The following WDR25 variants were observed in gnomAD, a reference collection of about 807,000 sequenced individuals.
The protein encoded by WDR25 is WD repeat domain 25, also known as WD repeat-containing protein 25.
WDR25 carries 35 observed loss-of-function variants against 47.7 expected under a neutral mutation model. That is an observed-to-expected ratio of 0.73 (90% CI 0.56 to 0.97). The LOEUF is 0.97. Ranked by LOEUF, WDR25 falls within the 50% of genes least tolerant of loss-of-function variation. The pLI, the probability that WDR25 is intolerant of heterozygous loss-of-function variation, is 0.00. For missense variants in WDR25, 634 were observed against 704.7 expected (o/e 0.90, Z 1.14); for synonymous variants, 248 against 278.9 (o/e 0.89, Z 1.10).
intron 2 of WDR25, among the ~76,000 whole-genome samples, chr14:100,390,005 G>A (rs187890500): frequency 1.3e-5 from 2 of 152,224 alleles, no homozygotes; most frequent in African/African-American, 2.4e-5. Flanking sequence ...TGGCCTTTCT[G>A]TTTTATTTTT....
In WDR25 at chr14:100,381,042, T is replaced by C. The variant is rs372522081; in HGVS notation, c.118T>C (p.Ser40Pro). 1.2e-5 allele frequency: 19 copies of C among 1,614,098 alleles called. No homozygotes were observed. Among genetic ancestry groups the C allele is most frequent in the Non-Finnish European group, 1.5e-5 (18 of 1,180,046 alleles). The change falls in exon 2 of 7, where the codon TCT becomes CCT. Residue 40 changes from serine (S) to proline (P), a missense_variant. Coordinates refer to ENST00000402312, the MANE Select transcript of WDR25 (RefSeq NM_001161476.3). ...TGCTACCGGCCAGCAGAAAGACACTTCTGGTGTGGCCAGACCACCTGGGCA... is the reference window on the plus strand; with the variant it reads ...TGCTACCGGCCAGCAGAAAGACACTCCTGGTGTGGCCAGACCACCTGGGCA... ...FNATGQQKDT[S>P]GVARPPGQDF...
chr14:100,440,353 G>A lies in WDR25; in HGVS notation c.823-27668G>A, dbSNP rs151326202. Reference sequence around the variant, plus strand: ...GGCAGCCACAGTCAGGGAGCCCTTCGGCCACGGCAGCGGGGTGGCGCCAGA... The same window carrying A: ...GGCAGCCACAGTCAGGGAGCCCTTCAGCCACGGCAGCGGGGTGGCGCCAGA... On this transcript the variant is annotated intron_variant, in intron 2 of 6. Coordinates refer to ENST00000402312, the MANE Select transcript of WDR25 (RefSeq NM_001161476.3). This position sits in a 1 kb window ranked among gnomAD's most constrained non-coding sequence, Gnocchi z 4.4. 9.1e-3 allele frequency among the ~76,000 whole-genome samples: 1,390 copies of A among 152,336 alleles called. 15 individuals carry two copies. Among genetic ancestry groups the A allele is most frequent in the South Asian group, 0.032 (154 of 4,828 alleles).
At chr14:100,451,157 G>T (rs548134173) in intron 2 of WDR25, among the ~76,000 whole-genome samples, 1 of 152,092 alleles carries the variant, frequency 6.6e-6, no homozygotes, top group Non-Finnish European at 1.5e-5. Flanking sequence ...GAAAATAGAC[G>T]CCAGGCAGGC....
chr14:100,382,425 C>G (rs890535872), intron 2 of WDR25, among the ~76,000 whole-genome samples: 3 of 152,170 alleles, frequency 2.0e-5, no homozygotes, highest in Non-Finnish European at 2.9e-5. Flanking sequence ...GGCCTGGGAG[C>G]TGGCTTCAAG....
At chr14:100,526,119 AG>A in intron 5 of WDR25, 79 bp downstream of exon 5, 1 of 1,517,766 alleles carries the variant, frequency 6.6e-7, no homozygotes, top group Non-Finnish European at 8.9e-7. Context: ...CTGAGGTCCC[AG>A]GTCCCTTCTG....
intron 2 of WDR25, among the ~76,000 whole-genome samples, chr14:100,464,844 T>C (rs1351753270): frequency 7.0e-6 from 1 of 142,730 alleles, no homozygotes; most frequent in Non-Finnish European, 1.5e-5. Flanking sequence ...CATCTACTCT[T>C]TCCTACCCCA....
chr14:100,465,798 G>A (rs1899610127), intron 2 of WDR25, among the ~76,000 whole-genome samples: 1 of 152,114 alleles, frequency 6.6e-6, no homozygotes, highest in African/African-American at 2.4e-5. Flanking sequence ...TTTTCACAGT[G>A]GCTGCACCAT....
intron 4 of WDR25, among the ~76,000 whole-genome samples, chr14:100,511,381 G>A (rs1901305376): frequency 6.6e-6 from 1 of 152,138 alleles, no homozygotes; most frequent in Admixed American, 6.5e-5. Context: ...CTTGAATTCT[G>A]TAACTCTTCT....
intron 2 of WDR25, among the ~76,000 whole-genome samples, chr14:100,459,878 G>GTA (rs1476564239): frequency 1.0e-5 from 1 of 95,732 alleles, no homozygotes; most frequent in African/African-American, 4.0e-5. Flanking sequence ...ATATATATCC[G>GTA]TATATGTGTG....
At chr14:100,471,732 T>C (rs1396496308) in intron 3 of WDR25, among the ~76,000 whole-genome samples, 1 of 152,234 alleles carries the variant, frequency 6.6e-6, no homozygotes, top group Non-Finnish European at 1.5e-5. Context: ...GTTAAAAATC[T>C]GTGGATTCTG....
At chr14:100,518,174 A>T (rs919611395) in intron 4 of WDR25, among the ~76,000 whole-genome samples, 1 of 152,200 alleles carries the variant, frequency 6.6e-6, no homozygotes, top group Admixed American at 6.5e-5. Context: ...AGGTCTGTTC[A>T]TGACAAATTC....
chr14:100,395,801 A>G (rs186502605), intron 2 of WDR25, among the ~76,000 whole-genome samples: 1 of 152,164 alleles, frequency 6.6e-6, no homozygotes, highest in East Asian at 1.9e-4. Context: ...GATGTAGAGA[A>G]TCTTGGAGGG....
In WDR25 at chr14:100,428,971, T is replaced by TTA. The variant is rs145731970; in HGVS notation, c.823-39049_823-39048insAT. On this transcript the variant is annotated intron_variant, in intron 2 of 6. Transcript: ENST00000402312. This position sits in a 1 kb window ranked among gnomAD's most constrained non-coding sequence, Gnocchi z 4.3. ...GGTTTCCCGAGCGTGTCAGCTTCAC[T>TTA]TCACATAAGTCATTTCAGATCCTGC... Among the ~76,000 whole-genome samples, 705 of 152,342 alleles carry TTA rather than the reference T, an allele frequency of 4.6e-3. 18 individuals carry two copies. The highest frequency in any genetic ancestry group is 0.034 in the Admixed American group (526 of 15,306).
At chr14:100,460,649 T>TA (rs946230563) in intron 2 of WDR25, among the ~76,000 whole-genome samples, 10 of 150,474 alleles carry the variant, frequency 6.6e-5, no homozygotes, top group East Asian at 1.9e-4. Context: ...CATTAGTGAT[T>TA]AAAAAAAAAC....
chr14:100,509,256 C>T (rs934928364), intron 4 of WDR25, among the ~76,000 whole-genome samples: 1 of 152,148 alleles, frequency 6.6e-6, no homozygotes, highest in African/African-American at 2.4e-5. Context: ...CTATGTGTAA[C>T]GTGGGCCATT....
chr14:100,381,190 G>A lies in WDR25; in HGVS notation c.266G>A (p.Gly89Glu), dbSNP rs750940132. 1.9e-6 allele frequency: 3 copies of A among 1,613,976 alleles called. No individual in the cohort carries two copies. The African/African-American group carries it at 4.0e-5, about 22-fold the overall frequency. Residue 89 changes from glycine to glutamate, a missense_variant, in exon 2 of 7, where the codon GGA (glycine) becomes GAA (glutamate). Transcript: ENST00000402312. ...GCTCAGCTTGGGAGAAGCGATTGGG[G>A]ATCTTGCCCCAGCCAGAGGCTACAG... Reference protein sequence around the residue: ...PLAQLGRSDWGSCPSQRLQWP... With the variant: ...PLAQLGRSDWESCPSQRLQWP...
At chr14:100,524,491 G>C (rs1034202575) in intron 4 of WDR25, among the ~76,000 whole-genome samples, 3 of 152,216 alleles carry the variant, frequency 2.0e-5, no homozygotes, top group African/African-American at 7.2e-5. Context: ...AGGAAGGCAG[G>C]CAGCCGTGCC....
chr14:100,461,302 A>T (rs1432038695), intron 2 of WDR25, among the ~76,000 whole-genome samples: 1 of 152,216 alleles, frequency 6.6e-6, no homozygotes, highest in Non-Finnish European at 1.5e-5. Context: ...AAGGTTGCAG[A>T]ATCCAAGGTC....
intron 4 of WDR25, among the ~76,000 whole-genome samples, chr14:100,485,996 A>G (rs139784175): frequency 1.6e-4 from 24 of 152,244 alleles, no homozygotes; most frequent in Non-Finnish European, 2.8e-4. Context: ...TCTTATAAAA[A>G]TATTTGGAAA....
Sources: allele counts gnomAD v4.1 joint callset (sites outside exome capture counted in the v4.1 genomes callset), GRCh38; gene constraint gnomAD v4.1.1; non-coding constraint Gnocchi (gnomAD v3.1); transcripts MANE v1.5; gene names NCBI Gene and HGNC (gene_info 2026-07-23, HGNC 2026-07-21).